The following CDC42SE2 variants were observed in gnomAD, a reference collection of about 807,000 sequenced individuals.
The protein encoded by CDC42SE2 is CDC42 small effector protein 2.
CDC42SE2 carries 3 observed loss-of-function variants against 11.5 expected under a neutral mutation model. The observed-to-expected ratio is 0.26, with a 90% CI of 0.12 to 0.67. The LOEUF is 0.67. Among genes scored for constraint, CDC42SE2 ranks in the 30% least tolerant of loss-of-function variants. The pLI is 0.80. For missense variants in CDC42SE2, 82 were observed against 106.8 expected, an observed-to-expected ratio of 0.77 and a Z score of 1.02; for synonymous variants, 33 against 34.8, an observed-to-expected ratio of 0.95 and a Z score of 0.18.
intron 1 of CDC42SE2, among the ~76,000 whole-genome samples, chr5:131,314,307 C>G (rs925918297): frequency 2.0e-5 from 3 of 151,344 alleles, no homozygotes; most frequent in African/African-American, 7.3e-5. Context: ...TCATAGCTCA[C>G]TGTAACCTCG....
the CDC42SE2 span, among the ~76,000 whole-genome samples, chr5:131,219,864 G>A: frequency 1.3e-5 from 2 of 152,128 alleles, no homozygotes; most frequent in African/African-American, 4.8e-5. Context: ...TTGAGCCCAG[G>A]GGGCAGAGGT....
chr5:131,295,260 G>A (rs1757545896), intron 1 of CDC42SE2, among the ~76,000 whole-genome samples: 1 of 151,210 alleles, frequency 6.6e-6, no homozygotes, highest in African/African-American at 2.4e-5. Context: ...TCCAGCCTGG[G>A]TGACAGATTG....
intron 2 of CDC42SE2, among the ~76,000 whole-genome samples, chr5:131,343,478 C>A (rs566654603): frequency 6.6e-6 from 1 of 152,146 alleles, no homozygotes; most frequent in South Asian, 2.1e-4. Context: ...CGTGGGAGGC[C>A]AGGGCAGGCG....
chr5:131,213,254 G>C, the CDC42SE2 span, among the ~76,000 whole-genome samples: 1 of 152,108 alleles, frequency 6.6e-6, no homozygotes, highest in East Asian at 1.9e-4. Flanking sequence ...GGGAAAAGGG[G>C]GGAAAGCTCT....
chr5:131,305,130 G>C (rs552269393), intron 1 of CDC42SE2, among the ~76,000 whole-genome samples: 5 of 152,158 alleles, frequency 3.3e-5, no homozygotes, highest in African/African-American at 1.2e-4. Context: ...TATACTCTTT[G>C]TGTGGCTTCT....
chr5:131,246,490 G>A (rs1190525951), intron 1 of CDC42SE2, among the ~76,000 whole-genome samples: 1 of 152,064 alleles, frequency 6.6e-6, no homozygotes, highest in African/African-American at 2.4e-5. Context: ...AGAAATCACA[G>A]ACACAATTTT....
At chr5:131,286,069 TGGG>T (rs1395621270) in intron 1 of CDC42SE2, among the ~76,000 whole-genome samples, 2 of 147,582 alleles carry the variant, frequency 1.4e-5, no homozygotes, top group Non-Finnish European at 3.0e-5. Context: ...TTTTTTTGGT[TGGG>T]GGGACAGGGT....
intron 2 of CDC42SE2, among the ~76,000 whole-genome samples, chr5:131,334,425 C>G (rs1470980842): frequency 6.6e-6 from 1 of 152,112 alleles, no homozygotes; most frequent in Non-Finnish European, 1.5e-5. Context: ...CTAAAATTCT[C>G]TTTTTTGGTT....
At chr5:131,318,956 C>T (rs958319010) in intron 2 of CDC42SE2, among the ~76,000 whole-genome samples, 2 of 152,196 alleles carry the variant, frequency 1.3e-5, no homozygotes, top group African/African-American at 4.8e-5. Context: ...GGCTGGAGTG[C>T]AGTGGCACAA....
intron 1 of CDC42SE2, among the ~76,000 whole-genome samples, chr5:131,307,205 A>G (rs1055422186): frequency 4.5e-5 from 6 of 133,098 alleles, no homozygotes; most frequent in Non-Finnish European, 9.7e-5. Context: ...TTCCAGTGCT[A>G]TCCCTCCCCC....
At chr5:131,222,644 A>G in the CDC42SE2 span, among the ~76,000 whole-genome samples, 2 of 152,226 alleles carry the variant, frequency 1.3e-5, no homozygotes, top group Non-Finnish European at 2.9e-5. Context: ...GTATGTTGTC[A>G]GCTGAGTTCC....
intron 2 of CDC42SE2, among the ~76,000 whole-genome samples, chr5:131,320,208 A>G (rs1156670932): frequency 6.6e-6 from 1 of 151,402 alleles, no homozygotes; most frequent in Non-Finnish European, 1.5e-5. Flanking sequence ...AACATAATGA[A>G]ACCCTGTCTC....
chr5:131,267,118 G>A (rs560543504), intron 1 of CDC42SE2, among the ~76,000 whole-genome samples: 3 of 148,034 alleles, frequency 2.0e-5, no homozygotes, highest in Non-Finnish European at 3.0e-5. Flanking sequence ...GCAGTGGCGC[G>A]ATCTCGGCTC....
intron 1 of CDC42SE2, among the ~76,000 whole-genome samples, chr5:131,297,794 G>T (rs1449030712): frequency 6.6e-6 from 1 of 151,752 alleles, no homozygotes; most frequent in Non-Finnish European, 1.5e-5. Context: ...TCCTAAAAAA[G>T]CCTTTTTGAT....
chr5:131,269,873 C>T (rs1250952877), intron 1 of CDC42SE2, among the ~76,000 whole-genome samples: 1 of 151,032 alleles, frequency 6.6e-6, no homozygotes, highest in African/African-American at 2.4e-5. Context: ...CCAACCTGGC[C>T]AACATGGTGA....
chr5:131,235,291 CA>C, the CDC42SE2 span, among the ~76,000 whole-genome samples: 1 of 130,918 alleles, frequency 7.6e-6, no homozygotes, highest in Non-Finnish European at 1.5e-5. Context: ...CACATCCAGA[CA>C]TTTTTTTTTT....
rs1392024765 is a variant in CDC42SE2, at chr5:131,359,422, A to G, written c.-72A>G. 7.8e-6 allele frequency: 8 copies of G among 1,026,814 alleles called. No individual in the cohort carries two copies. The Admixed American group carries it at 1.2e-4, about 15-fold the overall frequency. The allele number at this position is 1,026,814 out of a possible 1,614,324, so 63.6% of individuals were successfully genotyped here. ...ATCACTGGACATCATCGTATTGAGGAGCGTATTTTTGGAACTTCCCGAGTT... is the reference window on the plus strand; with the variant it reads ...ATCACTGGACATCATCGTATTGAGGGGCGTATTTTTGGAACTTCCCGAGTT... On this transcript the variant is annotated 5_prime_UTR_variant, in exon 3 of 5. Transcript: ENST00000505065.
intron 3 of CDC42SE2, among the ~76,000 whole-genome samples, chr5:131,383,139 C>T (rs768053778): frequency 1.1e-4 from 17 of 152,138 alleles, no homozygotes; most frequent in Admixed American, 6.6e-5. Context: ...CAGTGCATTG[C>T]TGGCATGCAG....
chr5:131,378,292 C>A (rs568652045), intron 3 of CDC42SE2, among the ~76,000 whole-genome samples: 75 of 152,226 alleles, frequency 4.9e-4, no homozygotes, highest in Admixed American at 1.6e-3. Context: ...TCATTTTCAT[C>A]AAAAAATGTC....
Sources: allele counts gnomAD v4.1 joint callset (sites outside exome capture counted in the v4.1 genomes callset), GRCh38; gene constraint gnomAD v4.1.1; transcripts MANE v1.5; gene names NCBI Gene and HGNC (gene_info 2026-07-23, HGNC 2026-07-21).